OPRM1: variants seen among roughly 807,000 people sequenced by gnomAD.
OPRM1 encodes opioid receptor mu 1.
Under a neutral mutation model 31.8 loss-of-function variants are expected in OPRM1, and 27 were observed. That is an observed-to-expected ratio of 0.85 (90% CI 0.63 to 1.17). The LOEUF (loss-of-function observed/expected upper bound fraction) is 1.17. OPRM1 is among the 50% of genes most tolerant of loss of function. OPRM1 has a pLI of 0.00. For missense variants in OPRM1, 536 were observed against 511.1 expected, an observed-to-expected ratio of 1.05 and a Z score of -0.47; for synonymous variants, 196 against 189.9, an observed-to-expected ratio of 1.03 and a Z score of -0.26.
chr6:154,215,874 A>T (rs187937464), intron 3 of OPRM1, among the ~76,000 whole-genome samples: 17 of 152,338 alleles, frequency 1.1e-4, no homozygotes, highest in South Asian at 4.1e-4. Context: ...TGCGAAAAAA[A>T]TTTCTCAGCC....
intron 1 of OPRM1, among the ~76,000 whole-genome samples, chr6:154,063,599 C>T (rs1162788326): frequency 6.6e-6 from 1 of 151,920 alleles, no homozygotes. Context: ...ATCTCTAGAA[C>T]TCATTTCATC....
At chr6:154,072,525 T>C (rs1328216032) in intron 1 of OPRM1, among the ~76,000 whole-genome samples, 1 of 152,216 alleles carries the variant, frequency 6.6e-6, no homozygotes, top group Non-Finnish European at 1.5e-5. Flanking sequence ...ATTTTCAAGA[T>C]AGCTAATTGA....
chr6:154,011,214 T>C (rs565051179), intron 1 of OPRM1, among the ~76,000 whole-genome samples: 1 of 152,158 alleles, frequency 6.6e-6, no homozygotes, highest in Admixed American at 6.5e-5. Context: ...AATGATAAAG[T>C]GTGTGTGTGC....
At chr6:154,046,616 G>A (rs1010243114) in intron 1 of OPRM1, 3 of 152,154 alleles carry the variant, frequency 2.0e-5, no homozygotes, top group African/African-American at 7.2e-5. Flanking sequence ...CATATACTGA[G>A]CTTACCAAGC....
rs57493678 is a variant in OPRM1, at chr6:154,130,170, CTT to C, written c.*11466_*11467del. ...GATTTCATGGAAATGTTTAAATTTT[CTT>C]TTTTTTTTTTTTTTTTGATGGAGTC... On this transcript the variant is annotated 3_prime_UTR_variant, in exon 4 of 4. Coordinates refer to ENST00000330432, the MANE Select transcript of OPRM1 (RefSeq NM_000914.5). 0.071 allele frequency among the ~76,000 whole-genome samples: 5,051 copies of C among 71,426 alleles called. 280 individuals carry two copies. Among genetic ancestry groups the C allele is most frequent in the African/African-American group, 0.22 (4,815 of 21,822 alleles). The allele number at this position is 71,426 out of a possible 152,430, so 46.9% of individuals were successfully genotyped here.
At chr6:154,029,293 C>G (rs180689217) in intron 1 of OPRM1, among the ~76,000 whole-genome samples, 1 of 152,212 alleles carries the variant, frequency 6.6e-6, no homozygotes, top group Non-Finnish European at 1.5e-5. Flanking sequence ...AAACTAAACA[C>G]TCTAGAATAT....
chr6:154,099,078 A>G (rs373883028), intron 3 of OPRM1, among the ~76,000 whole-genome samples: 82 of 152,168 alleles, frequency 5.4e-4, no homozygotes, highest in African/African-American at 1.9e-3. Flanking sequence ...CCAGGAGTTC[A>G]AGACCAGCCT....
intron 3 of OPRM1, among the ~76,000 whole-genome samples, chr6:154,174,651 G>A (rs949919322): frequency 6.6e-6 from 1 of 152,254 alleles, no homozygotes; most frequent in African/African-American, 2.4e-5. Context: ...ACCCAATACA[G>A]GAGCACCCAG....
intron 1 of OPRM1, among the ~76,000 whole-genome samples, chr6:154,056,408 C>G (rs980027837): frequency 6.6e-6 from 1 of 151,894 alleles, no homozygotes; most frequent in Non-Finnish European, 1.5e-5. Flanking sequence ...AGGCGTGAGC[C>G]AACGCGCCCG....
intron 3 of OPRM1, among the ~76,000 whole-genome samples, chr6:154,110,886 C>CAAAAAA (rs374739553): frequency 0.22 from 13,826 of 63,212 alleles, 2,567 homozygotes; most frequent in East Asian, 0.37. Context: ...GACTCCGTCT[C>CAAAAAA]AAAAAAAAAA....
chr6:154,091,347 C>T lies in OPRM1; in HGVS notation c.1039C>T (p.Arg347Ter), dbSNP rs200512398. 53 of 1,614,038 alleles carry T rather than the reference C, an allele frequency of 3.3e-5. No homozygotes were observed. Among genetic ancestry groups the T allele is most frequent in the South Asian group, 8.8e-5 (8 of 91,084 alleles). The change falls in exon 3 of 4, where the codon CGA (arginine) becomes TGA (stop). Residue 347 changes from arginine (R) to a stop codon, truncating the protein, a stop_gained. Transcript: ENST00000330432. LOFTEE classifies it high-confidence loss of function. ...LYAFLDENFK[R>*]CFREFCIPTS... The stretch of plus-strand genomic sequence containing the variant: ...TGCATTTCTGGATGAAAACTTCAAA[C>T]GATGCTTCAGAGAGTTCTGTATCCC...
chr6:154,212,697 T>G, intron 3 of OPRM1: 1 of 1,013,256 alleles, frequency 9.9e-7, no homozygotes, highest in South Asian at 1.4e-5. Context: ...TCAAGCTACT[T>G]CCTATTCAAT....
intron 1 of OPRM1, among the ~76,000 whole-genome samples, chr6:154,057,336 G>A (rs1783514234): frequency 6.6e-6 from 1 of 152,200 alleles, no homozygotes; most frequent in Non-Finnish European, 1.5e-5. Context: ...GTACAGTCCA[G>A]TGGATGAGAA....
chr6:154,093,228 A>G, intron 3 of OPRM1: 1 of 1,541,064 alleles, frequency 6.5e-7, no homozygotes, highest in Non-Finnish European at 8.8e-7. Flanking sequence ...CCATTGGAGC[A>G]AAATAATGGC....
At chr6:154,237,895 A>G (rs1562559799) in intron 3 of OPRM1, among the ~76,000 whole-genome samples, 1 of 152,196 alleles carries the variant, frequency 6.6e-6, no homozygotes, top group Non-Finnish European at 1.5e-5. Context: ...TATGCACTAT[A>G]AATATCAATT....
At chr6:154,029,794 G>A (rs1420353392) in intron 1 of OPRM1, among the ~76,000 whole-genome samples, 1 of 152,160 alleles carries the variant, frequency 6.6e-6, no homozygotes, top group Non-Finnish European at 1.5e-5. Context: ...GAGTTATCAT[G>A]AGATCTGATG....
intron 3 of OPRM1, among the ~76,000 whole-genome samples, chr6:154,200,874 T>A (rs1317566495): frequency 6.6e-6 from 1 of 152,176 alleles, no homozygotes; most frequent in Non-Finnish European, 1.5e-5. Flanking sequence ...ACATCACCAA[T>A]GATATGGTTG....
rs199807321 is a variant in OPRM1 at position 154,123,713 on chromosome 6, G to A, written c.*4992G>A. On this transcript the variant is annotated 3_prime_UTR_variant, in exon 4 of 4. Coordinates refer to ENST00000330432, the MANE Select transcript of OPRM1 (RefSeq NM_000914.5). ...TGAGGGTTCTTCCCCTTTTAAGACC[G>A]CATAGGGCAACTTCCTGACATTGCC... 5.3e-5 allele frequency among the ~76,000 whole-genome samples: 8 copies of A among 152,258 alleles called. No individual in the cohort carries two copies. The East Asian group carries it at 7.7e-4, about 15-fold the overall frequency.
downstream of OPRM1, among the ~76,000 whole-genome samples, chr6:154,135,538 T>TATA (rs1490596425): frequency 4.0e-5 from 6 of 149,248 alleles, no homozygotes; most frequent in Non-Finnish European, 8.9e-5. Flanking sequence ...TAGATATAGA[T>TATA]ATTTTGTCAA....
Sources: allele counts gnomAD v4.1 joint callset (sites outside exome capture counted in the v4.1 genomes callset), GRCh38; gene constraint gnomAD v4.1.1; transcripts MANE v1.5; gene names NCBI Gene and HGNC (gene_info 2026-07-23, HGNC 2026-07-21).